Variants in KMT2B observed in about 807,000 individuals in gnomAD.
KMT2B encodes the protein histone-lysine N-methyltransferase 2B.
KMT2B carries 22 observed loss-of-function variants against 255.3 expected under a neutral mutation model. The observed-to-expected ratio is 0.09, with a 90% CI of 0.06 to 0.12. The LOEUF (loss-of-function observed/expected upper bound fraction) is 0.12. Among genes scored for constraint, KMT2B ranks in the 10% least tolerant of loss-of-function variants. The pLI is 1.00. For missense variants in KMT2B, 3,149 were observed against 3,737.0 expected (o/e 0.84, Z 4.10); for synonymous variants, 1,730 against 1,498.1 (o/e 1.15, Z -3.57).
Position 35,720,171 on chromosome 19 carries a change from G to T in KMT2B, c.824G>T (p.Gly275Val). ...SWKCKEGPGP[G>V]PGTPRRGGQS... ...AAATGCAAGGAGGGGCCCGGTCCAG[G>T]ACCTGGGACCCCCAGGCGTGGAGGA... The change falls in exon 3 of 37, where the codon GGA (glycine) becomes GTA (valine). Residue 275 changes from glycine to valine, a missense_variant. By Grantham distance (109) the Gly-to-Val change is moderately radical. This residue lies in a region of KMT2B where 1,188 missense variants were observed against 1,106.4 expected (regional missense o/e 1.07). Coordinates refer to ENST00000420124, the MANE Select transcript of KMT2B (RefSeq NM_014727.3). 1 of 1,604,630 alleles carries T rather than the reference G, an allele frequency of 6.2e-7. No individual in the cohort carries two copies. The highest frequency in any genetic ancestry group is 8.5e-7 in the Non-Finnish European group (1 of 1,176,010).
rs1203192568 is a variant in KMT2B, at chr19:35,720,676, C to T, written c.1329C>T (p.Ser443=). The part of the protein sequence containing the change: ...PPPVSPPPLP[S]PPPPPAQEEQ... ...CAGTGTCCCCACCACCTCTACCATCCCCTCCACCGCCTCCTGCCCAAGAGG... is the reference window on the plus strand; with the variant it reads ...CAGTGTCCCCACCACCTCTACCATCTCCTCCACCGCCTCCTGCCCAAGAGG... Residue 443 remains serine (S), a synonymous_variant, in exon 3 of 37, where the codon TCC becomes TCT. Coordinates refer to ENST00000420124, the MANE Select transcript of KMT2B (RefSeq NM_014727.3). 18 of 1,479,204 alleles carry T rather than the reference C, an allele frequency of 1.2e-5. No homozygotes were observed. Among genetic ancestry groups the T allele is most frequent in the Non-Finnish European group, 1.6e-5 (18 of 1,117,136 alleles). The allele number at this position is 1,479,204 out of a possible 1,614,324, so 91.6% of individuals were successfully genotyped here.
In KMT2B at chr19:35,718,843, G is replaced by T. The variant is rs1017523920; in HGVS notation, c.363+462G>T. Among the ~76,000 whole-genome samples the T allele has an allele frequency of 2.6e-5, 4 of 152,226 alleles. No homozygotes were observed. The highest frequency in any genetic ancestry group is 4.8e-5 in the African/African-American group (2 of 41,462). On this transcript the variant is annotated intron_variant, in intron 1 of 36. Transcript: ENST00000420124. The surrounding 1 kb of genome is among the most constrained non-coding windows in gnomAD (Gnocchi z 5.0). ...TTTCTCTTGGCATCTCAGGTAGAGT[G>T]GTGGAGGGCTTCCTCTTGGGGCTCG...
rs1383919872 is a variant in KMT2B at position 35,725,084 on chromosome 19, T to C, written c.3525T>C (p.Phe1175=). Residue 1175 remains phenylalanine, a synonymous_variant, in exon 10 of 37, where the codon TTT becomes TTC. Transcript: ENST00000420124. This position sits in a 1 kb window ranked among gnomAD's most constrained non-coding sequence, Gnocchi z 4.1. Reference sequence around the variant, plus strand: ...GTGTGCACCGCGTCCGTGTGGATTTTAAGGTATGGCATTGAGTGGGGCGAG... The same window carrying C: ...GTGTGCACCGCGTCCGTGTGGATTTCAAGGTATGGCATTGAGTGGGGCGAG... ...PDGVHRVRVD[F]KEDCDLENVW... 6.2e-7 allele frequency: 1 copy of C among 1,611,548 alleles called. No individual in the cohort carries two copies. The highest frequency in any genetic ancestry group is 1.7e-5 in the Admixed American group (1 of 59,992).
Position 35,718,542 on chromosome 19 carries a change from A to G in KMT2B, c.363+161A>G, listed in dbSNP as rs1182797199. ...GCGGCTGCATGCAGCTTCCGGGGGAAAGGGCCTCTGGAAGTGGGTAGAGAA... is the reference window on the plus strand; with the variant it reads ...GCGGCTGCATGCAGCTTCCGGGGGAGAGGGCCTCTGGAAGTGGGTAGAGAA... On this transcript the variant is annotated intron_variant, in intron 1 of 36. Coordinates refer to ENST00000420124, the MANE Select transcript of KMT2B (RefSeq NM_014727.3). This position sits in a 1 kb window ranked among gnomAD's most constrained non-coding sequence, Gnocchi z 5.0. Among the ~76,000 whole-genome samples the G allele has an allele frequency of 6.6e-6, 1 of 152,128 alleles. No homozygotes were observed. The highest frequency in any genetic ancestry group is 1.5e-5 in the Non-Finnish European group (1 of 67,996).
intron 26 of KMT2B, among the ~76,000 whole-genome samples, chr19:35,731,084 T>C (rs1250102683): frequency 6.6e-6 from 1 of 152,204 alleles, no homozygotes; most frequent in Non-Finnish European, 1.5e-5. Flanking sequence ...CGCTGCCTAC[T>C]TGAGGTGGGG....
Position 35,723,388 on chromosome 19 carries a change from CCT to C in KMT2B, c.3003-54_3003-53del, listed in dbSNP as rs1330995324. On this transcript the variant is annotated intron_variant, in intron 6 of 36. Transcript: ENST00000420124. This position sits in a 1 kb window ranked among gnomAD's most constrained non-coding sequence, Gnocchi z 7.5. ...GGGTTGGCATTCTTGTGGAGAGCTT[CCT>C]CTCTTCCCCCAGACCACCAGTCCCC... 3 of 1,533,460 alleles carry C rather than the reference CCT, an allele frequency of 2.0e-6. No homozygotes were observed. The highest frequency in any genetic ancestry group is 2.7e-5 in the African/African-American group (2 of 72,838). The allele number at this position is 1,533,460 out of a possible 1,614,324, so 95.0% of individuals were successfully genotyped here. A position where few individuals can be genotyped will look rare whatever the true frequency, so the allele number is the denominator to read the frequency against.
rs753502591 is a variant in KMT2B at position 35,723,973 on chromosome 19, C to T, written c.3300C>T (p.Pro1100=). 8 of 1,605,840 alleles carry T rather than the reference C, an allele frequency of 5.0e-6. No individual in the cohort carries two copies. The highest frequency in any genetic ancestry group is 6.0e-6 in the Non-Finnish European group (7 of 1,176,130). The change falls in exon 8 of 37, where the codon CCC becomes CCT. Residue 1100 remains proline, a synonymous_variant. Transcript: ENST00000420124. The surrounding 1 kb of genome is among the most constrained non-coding windows in gnomAD (Gnocchi z 7.5). ...CGGATGACTCGGAGCCCGGGGGCCC[C>T]CCTGCTCCTCGGCGTCGGACCCCCC... is the stretch of plus-strand genomic sequence containing the variant. ...EDSDDSEPGG[P]PAPRRRTPRE...
chr19:35,738,256 C>A lies in KMT2B; in HGVS notation c.7873-26C>A. On this transcript the variant is annotated intron_variant, in intron 36 of 36. Transcript: ENST00000420124. The surrounding 1 kb of genome is among the most constrained non-coding windows in gnomAD (Gnocchi z 8.7). ...GAGCCTGTCCGCGGGGACAGAGCAC[C>A]TGATCTCCCCACCTCATCCCTGCAG... The A allele has an allele frequency of 6.2e-7, 1 of 1,613,156 alleles. No individual in the cohort carries two copies. The highest frequency in any genetic ancestry group is 8.5e-7 in the Non-Finnish European group (1 of 1,179,294).
chr19:35,722,435 A>C lies in KMT2B; in HGVS notation c.2534A>C (p.Glu845Ala). ...TCCGACAGAGGCCCTGTCCGGTCTG[A>C]AGATGAGTCGGTGGAAGCTAAGAGA... ...QISDRGPVRS[E>A]DESVEAKRER... Residue 845 changes from glutamate (E) to alanine (A), a missense_variant, in exon 4 of 37, where the codon GAA (glutamate) becomes GCA (alanine). Glu to Ala is a moderately radical substitution (Grantham distance 107). Coordinates refer to ENST00000420124, the MANE Select transcript of KMT2B (RefSeq NM_014727.3). The C allele has an allele frequency of 1.2e-6, 2 of 1,610,304 alleles. No individual in the cohort carries two copies. Among genetic ancestry groups the C allele is most frequent in the South Asian group, 2.2e-5 (2 of 91,062 alleles).
At position 35,725,225 on chromosome 19, in the gene KMT2B, T is replaced by C; in HGVS notation, c.3534T>C (p.Asp1178=). The C allele has an allele frequency of 6.2e-7, 1 of 1,612,080 alleles. No homozygotes were observed. The highest frequency in any genetic ancestry group is 8.5e-7 in the Non-Finnish European group (1 of 1,178,862). The part of the protein sequence containing the change: ...VHRVRVDFKE[D]CDLENVWLMG... ...TGCATCCTCTCTTCCCCCAGGAGGA[T>C]TGTGATTTAGAGAACGTGTGGCTGA... The change falls in exon 11 of 37, where the codon GAT becomes GAC. Residue 1178 remains aspartate, a synonymous_variant. Coordinates refer to ENST00000420124, the MANE Select transcript of KMT2B (RefSeq NM_014727.3). The surrounding 1 kb of genome is among the most constrained non-coding windows in gnomAD (Gnocchi z 4.1).
Position 35,721,033 on chromosome 19 carries a change from C to T in KMT2B, c.1686C>T (p.Val562=). 1 of 1,608,368 alleles carries T rather than the reference C, an allele frequency of 6.2e-7. No homozygotes were observed. The highest frequency in any genetic ancestry group is 1.1e-5 in the South Asian group (1 of 90,022). The change falls in exon 3 of 37, where the codon GTC becomes GTT. Residue 562 remains valine (V), a synonymous_variant. Coordinates refer to ENST00000420124, the MANE Select transcript of KMT2B (RefSeq NM_014727.3). The stretch of plus-strand genomic sequence containing the variant: ...CCCCAAAGGTGGAGGTCTCACCTGT[C>T]CTGCGACCTCCCATTACCACCTCCC... ...PKPPKVEVSP[V]LRPPITTSPP...
In KMT2B at chr19:35,732,789, C is replaced by T. The variant is rs762569263; in HGVS notation, c.6240C>T (p.Gly2080=). ...CTGAGGCGGTGCAGCAGCCTCGGGG[C>T]CAGGGCACGCCTCCTTCGGGGCCAG... The part of the protein sequence containing the change: ...SEAEAVQQPR[G]QGTPPSGPGV... The change falls in exon 28 of 37, where the codon GGC becomes GGT. Residue 2080 remains glycine, a synonymous_variant. Coordinates refer to ENST00000420124, the MANE Select transcript of KMT2B (RefSeq NM_014727.3). The T allele has an allele frequency of 6.2e-6, 10 of 1,606,862 alleles. No individual in the cohort carries two copies. The highest frequency in any genetic ancestry group is 8.5e-6 in the Non-Finnish European group (10 of 1,177,400).
rs757909345 is a variant in KMT2B at position 35,731,898 on chromosome 19, G to A, written c.5438-10G>A. The A allele has an allele frequency of 1.4e-5, 23 of 1,604,700 alleles. No homozygotes were observed. The highest frequency in any genetic ancestry group is 4.5e-5 in the East Asian group (2 of 44,828). On this transcript the variant is annotated splice_polypyrimidine_tract_variant and intron_variant, in intron 26 of 36. Transcript: ENST00000420124. ...CCCTACCACCCCAATGCCATTTCTC[G>A]CCTCTTCAGAGCCCCCAGGTGGTGA...
At position 35,727,772 on chromosome 19, in the gene KMT2B, C is replaced by T. The variant is rs1252842151; in HGVS notation, c.4377C>T (p.Gly1459=). 8 of 1,613,754 alleles carry T rather than the reference C, an allele frequency of 5.0e-6. No homozygotes were observed. Among genetic ancestry groups the T allele is most frequent in the Non-Finnish European group, 6.8e-6 (8 of 1,179,896 alleles). The change falls in exon 17 of 37, where the codon GGC becomes GGT. Residue 1459 remains glycine, a synonymous_variant. Transcript: ENST00000420124. The surrounding 1 kb of genome is among the most constrained non-coding windows in gnomAD (Gnocchi z 4.2). ...LQAVSQRFED[G]HYKSVHSFME... ...CTGTGAGTCAGCGCTTCGAGGATGGCCACTACAAGTCTGTGGTGAGTGGTA... is the reference window on the plus strand; with the variant it reads ...CTGTGAGTCAGCGCTTCGAGGATGGTCACTACAAGTCTGTGGTGAGTGGTA...
Position 35,719,476 on chromosome 19 carries a change from A to G in KMT2B, c.371A>G (p.Gln124Arg), listed in dbSNP as rs1184172936. 3 of 1,584,108 alleles carry G rather than the reference A, an allele frequency of 1.9e-6. No individual in the cohort carries two copies. In the Admixed American group the frequency reaches 5.4e-5, roughly 28 times the overall value. Residue 124 changes from glutamine to arginine, a missense_variant, in exon 2 of 37, where the codon CAG (glutamine) becomes CGG (arginine). By Grantham distance (43) the Gln-to-Arg change is conservative. Coordinates refer to ENST00000420124, the MANE Select transcript of KMT2B (RefSeq NM_014727.3). ...CCCGGTCCCCTAAATCAGGAGTTTC[A>G]GGGTTTTCATTCAGATGAAGATGTG... ...SDGESDEEEF[Q>R]GFHSDEDVAP...
intron 22 of KMT2B, among the ~76,000 whole-genome samples, chr19:35,729,689 G>A (rs1251075722): frequency 6.6e-6 from 1 of 152,124 alleles, no homozygotes; most frequent in Non-Finnish European, 1.5e-5. Flanking sequence ...TCCCACTGCG[G>A]GGGTATCTGT....
In KMT2B at chr19:35,725,105, G is replaced by T. The variant is rs766200606; in HGVS notation, c.3528+18G>T. 2 of 1,599,370 alleles carry T rather than the reference G, an allele frequency of 1.3e-6. No homozygotes were observed. Among genetic ancestry groups the T allele is most frequent in the South Asian group, 2.2e-5 (2 of 90,814 alleles). ...ATTTTAAGGTATGGCATTGAGTGGGGCGAGTCACAGAGCCTCTGGTTGGAA... is the reference window on the plus strand; with the variant it reads ...ATTTTAAGGTATGGCATTGAGTGGGTCGAGTCACAGAGCCTCTGGTTGGAA... On this transcript the variant is annotated intron_variant, in intron 10 of 36. Transcript: ENST00000420124. The surrounding 1 kb of genome is among the most constrained non-coding windows in gnomAD (Gnocchi z 4.1).
rs1970023030 is a variant in KMT2B, at chr19:35,738,794, T to TTA, written c.*237_*238insTA. On this transcript the variant is annotated 3_prime_UTR_variant, in exon 37 of 37. Coordinates refer to ENST00000420124, the MANE Select transcript of KMT2B (RefSeq NM_014727.3). The surrounding 1 kb of genome is among the most constrained non-coding windows in gnomAD (Gnocchi z 8.7). The stretch of plus-strand genomic sequence containing the variant: ...TAGATATTGTACAAAGGTTTCTAAA[T>TTA]CCCTTCTTTTCTATGCACTTTTTTA... 1 of 551,508 alleles carries TTA rather than the reference T, an allele frequency of 1.8e-6. No individual in the cohort carries two copies. Among genetic ancestry groups the TTA allele is most frequent in the Non-Finnish European group, 3.2e-6 (1 of 315,236 alleles). The allele number at this position is 551,508 out of a possible 1,614,324, so 34.2% of individuals were successfully genotyped here.
chr19:35,732,958 C>G lies in KMT2B; in HGVS notation c.6409C>G (p.Pro2137Ala). The G allele has an allele frequency of 1.2e-6, 2 of 1,605,272 alleles. No homozygotes were observed. Among genetic ancestry groups the G allele is most frequent in the Non-Finnish European group, 8.5e-7 (1 of 1,176,650 alleles). ...TGCTGGCCCTAGAGAGGAGTCACTC[C>G]CCCCGGCGCCTCCCCTGGCTAATGG... ...GGAGPREESL[P>A]PAPPLANGSQ... The change falls in exon 28 of 37, where the codon CCC becomes GCC. Residue 2137 changes from proline (P) to alanine (A), a missense_variant. Pro to Ala is a conservative substitution (Grantham distance 27). Around this residue, in one of 18 missense-constraint regions of KMT2B, gnomAD observed 897 missense variants for 825.3 expected, o/e 1.09. Coordinates refer to ENST00000420124, the MANE Select transcript of KMT2B (RefSeq NM_014727.3).
Sources: gnomAD v4.1 joint callset for allele counts (sites outside exome capture counted in the v4.1 genomes callset) on GRCh38, gnomAD v4.1.1 for gene constraint, gnomAD v4.1.1 regional missense constraint, Gnocchi (gnomAD v3.1) non-coding constraint, MANE v1.5 for transcripts, NCBI Gene and HGNC (gene_info 2026-07-23, HGNC 2026-07-21) for gene names.